The following RADIL variants were observed in gnomAD, a reference collection of about 807,000 sequenced individuals.
The protein encoded by RADIL is Rap associating with DIL domain, also known as ras-associating and dilute domain-containing protein.
RADIL carries 99 observed loss-of-function variants against 97.6 expected under a neutral mutation model. The ratio of observed to expected loss-of-function variants is 1.01; its 90% CI spans 0.86 to 1.20. The LOEUF (loss-of-function observed/expected upper bound fraction) is 1.20. RADIL is among the 50% of genes most tolerant of loss of function. The pLI is 0.00. For synonymous variants in RADIL, 803 were observed against 691.8 expected (o/e 1.16, Z -2.52); for missense variants, 1,765 against 1,498.9 (o/e 1.18, Z -2.93).
intron 1 of RADIL, among the ~76,000 whole-genome samples, chr7:4,882,465 G>C (rs1053423213): frequency 6.6e-6 from 1 of 152,202 alleles, no homozygotes; most frequent in Non-Finnish European, 1.5e-5. Context: ...GTTTTCTCTT[G>C]TTCTCAAGGA....
At chr7:4,863,084 C>T (rs187343855) in intron 2 of RADIL, among the ~76,000 whole-genome samples, 1 of 148,070 alleles carries the variant, frequency 6.8e-6, no homozygotes, top group East Asian at 1.9e-4. Context: ...TGTCAACCTT[C>T]TCACTCTGTC....
In RADIL at chr7:4,837,904, A is replaced by T; in HGVS notation, c.536-1299T>A. On this transcript the variant is annotated intron_variant, in intron 2 of 14. Coordinates refer to ENST00000399583, the MANE Select transcript of RADIL (RefSeq NM_018059.5). The surrounding 1 kb of genome is among the most constrained non-coding windows in gnomAD (Gnocchi z 5.6). ...CCTGTACGCAGCCTTTCAGGTTAAGATCCATCCCCATCTGTGGCGGCCTTT... is the reference window on the plus strand; with the variant it reads ...CCTGTACGCAGCCTTTCAGGTTAAGTTCCATCCCCATCTGTGGCGGCCTTT... 1.0e-6 allele frequency: 1 copy of T among 985,362 alleles called. No homozygotes were observed. The highest frequency in any genetic ancestry group is 1.2e-6 in the Non-Finnish European group (1 of 829,936). The allele number at this position is 985,362 out of a possible 1,614,324, so 61.0% of individuals were successfully genotyped here.
At chr7:4,838,861 G>A (rs141031688) in intron 2 of RADIL, among the ~76,000 whole-genome samples, 1,595 of 152,344 alleles carry the variant, frequency 0.01, 20 homozygotes, top group Non-Finnish European at 0.011. Flanking sequence ...TGGCCAGTGT[G>A]GACAGCAACT....
At chr7:4,875,798 G>A (rs1004391771) in intron 2 of RADIL, among the ~76,000 whole-genome samples, 6 of 152,150 alleles carry the variant, frequency 3.9e-5, no homozygotes, top group South Asian at 2.1e-4. Flanking sequence ...TGAATCAGGA[G>A]GGGAGGGACC....
intron 2 of RADIL, chr7:4,858,480 T>G (rs1783890179): frequency 6.6e-6 from 1 of 152,624 alleles, no homozygotes; most frequent in Non-Finnish European, 1.5e-5. Flanking sequence ...GCCAGTAAGA[T>G]GTCAAGTGCT....
intron 2 of RADIL, 37 bp downstream of exon 2, chr7:4,877,568 G>T: frequency 6.4e-7 from 1 of 1,558,886 alleles, no homozygotes; most frequent in South Asian, 1.2e-5. Context: ...TCAGCGCTCA[G>T]ACCCACGGCT....
At chr7:4,861,104 T>C (rs1783980088) in intron 2 of RADIL, 2 of 1,614,224 alleles carry the variant, frequency 1.2e-6, no homozygotes, top group Non-Finnish European at 1.7e-6. Context: ...GGAATAGATA[T>C]TGTGGCACTT....
rs111980010 is a variant in RADIL, at chr7:4,837,507, G to T, written c.536-902C>A. 0.013 allele frequency among the ~76,000 whole-genome samples: 1,975 copies of T among 152,272 alleles called. 23 individuals carry two copies. The highest frequency in any genetic ancestry group is 0.02 in the Middle Eastern group (6 of 294). On this transcript the variant is annotated intron_variant, in intron 2 of 14. Coordinates refer to ENST00000399583, the MANE Select transcript of RADIL (RefSeq NM_018059.5). This position sits in a 1 kb window ranked among gnomAD's most constrained non-coding sequence, Gnocchi z 5.6. ...ACAGCATCGCTGCCTCCTTCCCAAG[G>T]CTGTCTCTGATACCCCCAAGCCAAA...
rs1296941373 is a variant in RADIL at position 4,819,601 on chromosome 7, G to A, written c.1616-2250C>T. ...CGCACACGATGGTGTGAGGCGGCGCGGGAGGGGCCTGGGTCAGAGCTTTGT... is the reference window on the plus strand; with the variant it reads ...CGCACACGATGGTGTGAGGCGGCGCAGGAGGGGCCTGGGTCAGAGCTTTGT... On this transcript the variant is annotated intron_variant, in intron 6 of 14. Transcript: ENST00000399583. The surrounding 1 kb of genome is among the most constrained non-coding windows in gnomAD (Gnocchi z 5.8). Among the ~76,000 whole-genome samples, 4 of 152,192 alleles carry A rather than the reference G, an allele frequency of 2.6e-5. No homozygotes were observed. The highest frequency in any genetic ancestry group is 7.2e-5 in the African/African-American group (3 of 41,444).
At chr7:4,864,207 A>G (rs1784084239) in intron 2 of RADIL, among the ~76,000 whole-genome samples, 1 of 152,066 alleles carries the variant, frequency 6.6e-6, no homozygotes, top group African/African-American at 2.4e-5. Context: ...AATGATTTCC[A>G]TCTTCTTTGA....
chr7:4,837,996 G>T lies in RADIL; in HGVS notation c.536-1391C>A. ...AGGGAGGCGTCAGCTGGCTGAGGAA[G>T]ACCCTTACCAGCGCCAGCAGCCCCG... On this transcript the variant is annotated intron_variant, in intron 2 of 14. Transcript: ENST00000399583. This position sits in a 1 kb window ranked among gnomAD's most constrained non-coding sequence, Gnocchi z 5.6. The T allele has an allele frequency of 2.0e-6, 2 of 985,394 alleles. No homozygotes were observed. The highest frequency in any genetic ancestry group is 2.4e-6 in the Non-Finnish European group (2 of 829,930). The allele number at this position is 985,394 out of a possible 1,614,324, so 61.0% of individuals were successfully genotyped here.
At chr7:4,823,132 A>C (rs2969500) in intron 5 of RADIL, among the ~76,000 whole-genome samples, 147,245 of 152,146 alleles carry the variant, frequency 0.97, 71,289 homozygotes, top group East Asian at 1. Flanking sequence ...GCAAAGCATG[A>C]GATTTGAAGA....
rs561096852 is a variant in RADIL at position 4,875,722 on chromosome 7, G to A, written c.535+1883C>T. Among the ~76,000 whole-genome samples, 27 of 152,302 alleles carry A rather than the reference G, an allele frequency of 1.8e-4. 1 individual carries two copies. Among genetic ancestry groups the A allele is most frequent in the African/African-American group, 4.6e-4 (19 of 41,572 alleles). ...CTGACATTGAAGAGCCTTTGTTCCC[G>A]TGCAGAAAACATCCCACCATGCGCC... On this transcript the variant is annotated intron_variant, in intron 2 of 14. Transcript: ENST00000399583.
chr7:4,816,331 G>A lies in RADIL; in HGVS notation c.1863C>T (p.Asp621=), dbSNP rs1230827739. ...RVVSVYQAAL[D]LLRQLQVHPE... is the part of the protein sequence containing the mutation. ...GGTGCACCTGCAGCTGCCGCAGGAG[G>A]TCCAGGGCTGCCTGGTACACAGACA... The change falls in exon 8 of 15, where the codon GAC becomes GAT. Residue 621 remains aspartate (D), a synonymous_variant. Transcript: ENST00000399583. The A allele has an allele frequency of 6.2e-7, 1 of 1,612,346 alleles. No homozygotes were observed. Among genetic ancestry groups the A allele is most frequent in the Non-Finnish European group, 8.5e-7 (1 of 1,179,754 alleles).
At position 4,815,062 on chromosome 7, in the gene RADIL, G is replaced by A. The variant is rs551835347; in HGVS notation, c.2139+216C>T. Among the ~76,000 whole-genome samples, 54 of 152,284 alleles carry A rather than the reference G, an allele frequency of 3.5e-4. No individual in the cohort carries two copies. The highest frequency in any genetic ancestry group is 1.7e-3 in the South Asian group (8 of 4,822). The stretch of plus-strand genomic sequence containing the variant: ...GGGTAATACGGTCACAGGGTAAGAC[G>A]GTCACGGGTCTCAGACATCTTTGGG... On this transcript the variant is annotated intron_variant, in intron 9 of 14. Coordinates refer to ENST00000399583, the MANE Select transcript of RADIL (RefSeq NM_018059.5). The surrounding 1 kb of genome is among the most constrained non-coding windows in gnomAD (Gnocchi z 8.0).
chr7:4,809,146 G>C (rs896893314), intron 9 of RADIL: 7 of 985,020 alleles, frequency 7.1e-6, no homozygotes, highest in Non-Finnish European at 8.4e-6. Flanking sequence ...GCGTGGGGTG[G>C]CCCGGCCGCT....
Position 4,834,586 on chromosome 7 carries a change from C to G in RADIL, c.1416+21G>C. The G allele has an allele frequency of 7.6e-7, 1 of 1,316,094 alleles. No homozygotes were observed. The highest frequency in any genetic ancestry group is 3.0e-5 in the South Asian group (1 of 33,052). 81.5% of individuals were successfully genotyped at this position (1,316,094 alleles called of 1,614,324 possible). The stretch of plus-strand genomic sequence containing the variant: ...CCCCAGACCGGCACAGGACCCAGAC[C>G]GCCCACCCCAGCACACTGACCCAGA... On this transcript the variant is annotated intron_variant, in intron 4 of 14. Transcript: ENST00000399583. The surrounding 1 kb of genome is among the most constrained non-coding windows in gnomAD (Gnocchi z 6.0).
Position 4,817,182 on chromosome 7 carries a change from G to A in RADIL, c.1728+57C>T, listed in dbSNP as rs1031199909. ...TTAGGAGAGCCACAGGCACAAGCTT[G>A]AGCCCCACTTGATCCCAGGAGCTGC... On this transcript the variant is annotated intron_variant, in intron 7 of 14. Transcript: ENST00000399583. The surrounding 1 kb of genome is among the most constrained non-coding windows in gnomAD (Gnocchi z 8.3). 1.3e-6 allele frequency: 2 copies of A among 1,487,618 alleles called. No homozygotes were observed. Among genetic ancestry groups the A allele is most frequent in the South Asian group, 2.4e-5 (2 of 83,562 alleles). 92.2% of individuals were successfully genotyped at this position (1,487,618 alleles called of 1,614,324 possible).
Position 4,853,351 on chromosome 7 carries a change from G to A in RADIL, c.536-16746C>T, listed in dbSNP as rs1783753123. 2.0e-5 allele frequency among the ~76,000 whole-genome samples: 3 copies of A among 152,168 alleles called. No homozygotes were observed. In the South Asian group the frequency reaches 6.2e-4, roughly 32 times the overall value. ...GTTAATCAAAAGGGAGATTATCCAGGTGGGCCTCACCTAAACACATGGGCC... is the reference window on the plus strand; with the variant it reads ...GTTAATCAAAAGGGAGATTATCCAGATGGGCCTCACCTAAACACATGGGCC... On this transcript the variant is annotated intron_variant, in intron 2 of 14. Transcript: ENST00000399583.
Sources: gnomAD v4.1 joint callset for allele counts (sites outside exome capture counted in the v4.1 genomes callset) on GRCh38, gnomAD v4.1.1 for gene constraint, Gnocchi (gnomAD v3.1) non-coding constraint, MANE v1.5 for transcripts, NCBI Gene and HGNC (gene_info 2026-07-23, HGNC 2026-07-21) for gene names.